The following EEF1AKMT1 variants were observed in gnomAD, a reference collection of about 807,000 sequenced individuals.
The protein encoded by EEF1AKMT1 is EEF1A lysine methyltransferase 1, also known as N-6 adenine-specific DNA methyltransferase 2 (putative).
A neutral mutation model predicts 21.0 loss-of-function variants in EEF1AKMT1; 18 were observed. That is an observed-to-expected ratio of 0.86 (90% CI 0.59 to 1.27). The LOEUF (loss-of-function observed/expected upper bound fraction) is 1.27. Among genes scored for constraint, EEF1AKMT1 ranks in the 50% most tolerant of loss-of-function variants. EEF1AKMT1 has a pLI of 0.00. For synonymous variants in EEF1AKMT1, 109 were observed against 94.8 expected (o/e 1.15, Z -0.87); for missense variants, 246 against 258.6 (o/e 0.95, Z 0.33).
chr13:20,731,429 C>T (rs138082622), intron 4 of EEF1AKMT1, among the ~76,000 whole-genome samples: 3 of 152,326 alleles, frequency 2.0e-5, no homozygotes, highest in African/African-American at 7.2e-5. Context: ...GTATAACGAT[C>T]TCGCCAGTAA....
At chr13:20,765,410 T>G (rs866715179) in intron 1 of EEF1AKMT1, among the ~76,000 whole-genome samples, 1 of 122,224 alleles carries the variant, frequency 8.2e-6, no homozygotes, top group Non-Finnish European at 1.7e-5. Flanking sequence ...CTTGGGTTTT[T>G]TTTTTTTTTT....
chr13:20,765,124 G>A (rs1281227432), intron 1 of EEF1AKMT1, among the ~76,000 whole-genome samples: 6 of 152,018 alleles, frequency 3.9e-5, no homozygotes, highest in African/African-American at 1.2e-4. Flanking sequence ...AGCCGGGCAT[G>A]GTGGAGGGCA....
intron 2 of EEF1AKMT1, among the ~76,000 whole-genome samples, chr13:20,743,094 T>C (rs879754766): frequency 6.6e-6 from 1 of 152,164 alleles, no homozygotes. Context: ...TGAGACAGAG[T>C]CTCACTCTGT....
chr13:20,751,318 G>A (rs373707342), intron 2 of EEF1AKMT1, among the ~76,000 whole-genome samples: 18 of 152,216 alleles, frequency 1.2e-4, no homozygotes, highest in African/African-American at 1.7e-4. Context: ...ATATGCTTAC[G>A]TCTAATCCAT....
At chr13:20,772,864 C>T (rs1017714940) in intron 1 of EEF1AKMT1, among the ~76,000 whole-genome samples, 7 of 152,268 alleles carry the variant, frequency 4.6e-5, no homozygotes, top group African/African-American at 1.2e-4. Context: ...AACCACCATA[C>T]TGTAATTTCA....
intron 1 of EEF1AKMT1, among the ~76,000 whole-genome samples, chr13:20,767,067 G>C (rs974748497): frequency 5.9e-5 from 9 of 152,010 alleles, no homozygotes; most frequent in Admixed American, 1.3e-4. Context: ...AGCACTTTGG[G>C]AGGCTGAGGT....
chr13:20,737,099 C>T (rs1189904057), intron 3 of EEF1AKMT1, among the ~76,000 whole-genome samples: 1 of 152,026 alleles, frequency 6.6e-6, no homozygotes, highest in Non-Finnish European at 1.5e-5. Flanking sequence ...GGCACGGTGG[C>T]TCATGCCTGT....
chr13:20,735,053 G>A (rs1206820041), intron 3 of EEF1AKMT1, among the ~76,000 whole-genome samples: 4 of 152,126 alleles, frequency 2.6e-5, no homozygotes, highest in East Asian at 3.9e-4. Context: ...GCATGTCAGC[G>A]GAGACTAAGG....
chr13:20,748,383 C>T (rs2058919904), intron 2 of EEF1AKMT1, among the ~76,000 whole-genome samples: 1 of 150,474 alleles, frequency 6.6e-6, no homozygotes, highest in South Asian at 2.1e-4. Context: ...TGCAGTGAGG[C>T]GAGATCGCGC....
chr13:20,755,394 T>C (rs1360228859), intron 2 of EEF1AKMT1, among the ~76,000 whole-genome samples: 2 of 152,198 alleles, frequency 1.3e-5, no homozygotes, highest in Non-Finnish European at 2.9e-5. Context: ...CATCACGTGG[T>C]CTCCAGGCAG....
At chr13:20,759,641 GA>G (rs35573791) in intron 1 of EEF1AKMT1, among the ~76,000 whole-genome samples, 1 of 150,542 alleles carries the variant, frequency 6.6e-6, no homozygotes, top group African/African-American at 2.4e-5. Flanking sequence ...AAATCAACAA[GA>G]AAAAAAAGGA....
At chr13:20,731,731 C>G in intron 4 of EEF1AKMT1, 110 bp downstream of exon 4, 1 of 1,121,698 alleles carries the variant, frequency 8.9e-7, no homozygotes, top group Non-Finnish European at 1.3e-6. Flanking sequence ...AGTTAAATAA[C>G]TTGTTCACAA....
intron 1 of EEF1AKMT1, among the ~76,000 whole-genome samples, chr13:20,772,558 G>A (rs917112402): frequency 1.3e-5 from 2 of 152,134 alleles, no homozygotes; most frequent in Non-Finnish European, 2.9e-5. Context: ...GACACATGGC[G>A]AACACCAACG....
At chr13:20,741,617 C>T (rs77490312) in intron 2 of EEF1AKMT1, among the ~76,000 whole-genome samples, 6,332 of 151,994 alleles carry the variant, frequency 0.042, 307 homozygotes, top group African/African-American at 0.11. Context: ...CCACCACACC[C>T]AGCTAATTTT....
At chr13:20,740,212 G>T (rs566470219) in intron 2 of EEF1AKMT1, among the ~76,000 whole-genome samples, 2 of 152,240 alleles carry the variant, frequency 1.3e-5, no homozygotes, top group African/African-American at 4.8e-5. Context: ...GGTGCCAGCC[G>T]GCTGCTCCGA....
intron 2 of EEF1AKMT1, among the ~76,000 whole-genome samples, chr13:20,738,393 A>T (rs1014353163): frequency 2.0e-5 from 3 of 152,204 alleles, no homozygotes; most frequent in Admixed American, 6.5e-5. Flanking sequence ...AGTGATCTTT[A>T]TCTATTCATA....
At chr13:20,764,833 T>TA (rs55702156) in intron 1 of EEF1AKMT1, among the ~76,000 whole-genome samples, 50,345 of 149,020 alleles carry the variant, frequency 0.34, 9,382 homozygotes, top group Middle Eastern at 0.49. Context: ...CTCATGCTTT[T>TA]AAAAAAAAGC....
At chr13:20,731,131 C>G (rs148897784) in intron 4 of EEF1AKMT1, among the ~76,000 whole-genome samples, 5 of 152,148 alleles carry the variant, frequency 3.3e-5, no homozygotes, top group African/African-American at 9.7e-5. Context: ...GACACACCAC[C>G]TCCATCTCCC....
intron 2 of EEF1AKMT1, among the ~76,000 whole-genome samples, chr13:20,743,351 G>A (rs1206716403): frequency 1.3e-5 from 2 of 152,102 alleles, no homozygotes; most frequent in East Asian, 3.8e-4. Context: ...ATAAGCGTGA[G>A]CCAACGTGCC....
Sources: gnomAD v4.1 joint callset for allele counts (sites outside exome capture counted in the v4.1 genomes callset) on GRCh38, gnomAD v4.1.1 for gene constraint, MANE v1.5 for transcripts, NCBI Gene and HGNC (gene_info 2026-07-23, HGNC 2026-07-21) for gene names.